The following TMEM63C variants were observed in gnomAD, a reference collection of about 807,000 sequenced individuals.
TMEM63C encodes osmosensitive cation channel TMEM63C.
In TMEM63C, 32 loss-of-function variants were observed where a neutral mutation model predicts 99.2. The ratio of observed to expected loss-of-function variants is 0.32; its 90% confidence interval spans 0.24 to 0.43. The LOEUF is 0.43. TMEM63C is among the 20% of genes least tolerant of loss of function. TMEM63C has a pLI of 1.00. For missense variants in TMEM63C, 826 were observed against 1,053.0 expected, an observed-to-expected ratio of 0.78 and a Z score of 2.98; for synonymous variants, 376 against 397.9, an observed-to-expected ratio of 0.94 and a Z score of 0.66.
At chr14:77,248,580 A>C in intron 19 of TMEM63C, 71 bp downstream of exon 19, 1 of 1,541,714 alleles carries the variant, frequency 6.5e-7, no homozygotes, top group Non-Finnish European at 8.8e-7. Flanking sequence ...AGAGCCTGCT[A>C]GAAGCACCAA....
chr14:77,241,098 C>A (rs1889168278), intron 13 of TMEM63C, among the ~76,000 whole-genome samples: 1 of 151,946 alleles, frequency 6.6e-6, no homozygotes, highest in Admixed American at 6.6e-5. Context: ...TTACAGGTGC[C>A]TGCCACCATG....
At chr14:77,231,409 G>A (rs1217232472) in intron 6 of TMEM63C, among the ~76,000 whole-genome samples, 179 bp from the exon 7 acceptor site, 1 of 151,966 alleles carries the variant, frequency 6.6e-6, no homozygotes, top group African/African-American at 2.4e-5. Flanking sequence ...AAGGATAACC[G>A]AGGCTTTGAG....
rs544553727 is a variant in TMEM63C at position 77,228,284 on chromosome 14, G to A, written c.350+2823G>A. ...ATTCTAGTGCTCTCAGTGCCATCCA[G>A]TCCTGTCCAGCCCTCTGCTCTCTCC... On this transcript the variant is annotated intron_variant, in intron 6 of 23. Coordinates refer to ENST00000298351, the MANE Select transcript of TMEM63C (RefSeq NM_020431.4). Among the ~76,000 whole-genome samples the A allele has an allele frequency of 2.6e-5, 4 of 152,268 alleles. No individual in the cohort carries two copies. The South Asian group carries it at 8.3e-4, about 32-fold the overall frequency.
chr14:77,243,899 CAA>C (rs556486763), intron 15 of TMEM63C, among the ~76,000 whole-genome samples: 74 of 152,238 alleles, frequency 4.9e-4, no homozygotes, highest in African/African-American at 1.6e-3. Context: ...CACACACACA[CAA>C]GTCAAGCCAC....
Position 77,190,739 on chromosome 14 carries a change from A to G in TMEM63C, c.-77+8845A>G, listed in dbSNP as rs558493247. Among the ~76,000 whole-genome samples the G allele has an allele frequency of 2.0e-5, 3 of 152,334 alleles. No individual in the cohort carries two copies. The East Asian group carries it at 5.8e-4, about 29-fold the overall frequency. Reference sequence around the variant, plus strand: ...AAAATTCAACATGTCTCTGATTTTAACTCTTACTTCATAGGAATAGATGGA... The same window carrying G: ...AAAATTCAACATGTCTCTGATTTTAGCTCTTACTTCATAGGAATAGATGGA... On this transcript the variant is annotated intron_variant, in intron 1 of 23. Coordinates refer to ENST00000298351, the MANE Select transcript of TMEM63C (RefSeq NM_020431.4).
intron 15 of TMEM63C, among the ~76,000 whole-genome samples, chr14:77,243,704 TAGA>T (rs1251205521): frequency 6.6e-6 from 1 of 152,166 alleles, no homozygotes; most frequent in Non-Finnish European, 1.5e-5. Flanking sequence ...ACTAGGAGCC[TAGA>T]AGGTCTCTTC....
intron 1 of TMEM63C, among the ~76,000 whole-genome samples, chr14:77,202,649 AG>A (rs1888317448): frequency 1.3e-5 from 2 of 152,170 alleles, no homozygotes; most frequent in African/African-American, 4.8e-5. Flanking sequence ...CGTTGGATTC[AG>A]GGGCCACCCT....
chr14:77,183,924 G>A (rs573624550), intron 1 of TMEM63C, among the ~76,000 whole-genome samples: 1 of 152,278 alleles, frequency 6.6e-6, no homozygotes, highest in African/African-American at 2.4e-5. Flanking sequence ...AGCTAGCAGA[G>A]AAAGGGTCAG....
At chr14:77,203,426 T>C (rs1594852250) in intron 1 of TMEM63C, among the ~76,000 whole-genome samples, 1 of 145,898 alleles carries the variant, frequency 6.9e-6, no homozygotes, top group Admixed American at 7.0e-5. Flanking sequence ...GAGTGAAAGG[T>C]AAGTCTTCCT....
chr14:77,206,783 T>G (rs1420815952), intron 1 of TMEM63C, among the ~76,000 whole-genome samples: 3 of 152,216 alleles, frequency 2.0e-5, no homozygotes, highest in African/African-American at 7.2e-5. Context: ...ATGATCTTTT[T>G]CTAATTAGAA....
intron 1 of TMEM63C, among the ~76,000 whole-genome samples, chr14:77,186,926 G>A (rs984801448): frequency 5.3e-5 from 8 of 152,100 alleles, no homozygotes; most frequent in Non-Finnish European, 8.8e-5. Context: ...GTGCCCAGGC[G>A]TGTCAACTAG....
At chr14:77,225,349 C>CTG in intron 5 of TMEM63C, 75 bp from the exon 6 acceptor site, 1 of 1,477,898 alleles carries the variant, frequency 6.8e-7, no homozygotes, top group Non-Finnish European at 9.2e-7. Context: ...GATGACCTGG[C>CTG]CGCCTGGGTT....
At chr14:77,248,080 G>A (rs1318551125) in intron 18 of TMEM63C, among the ~76,000 whole-genome samples, 1 of 152,174 alleles carries the variant, frequency 6.6e-6, no homozygotes, top group East Asian at 1.9e-4. Context: ...GCCAATGCAT[G>A]TATCCCCTAA....
At chr14:77,190,984 A>C (rs1012653897) in intron 1 of TMEM63C, among the ~76,000 whole-genome samples, 1 of 152,234 alleles carries the variant, frequency 6.6e-6, no homozygotes. Context: ...CAAGATTGTC[A>C]ACTGAAAAAA....
intron 6 of TMEM63C, 111 bp from the exon 7 acceptor site, chr14:77,231,477 A>AG (rs1435081276): frequency 4.0e-5 from 51 of 1,277,760 alleles, no homozygotes; most frequent in Admixed American, 1.0e-4. Flanking sequence ...TAAAAAAAAA[A>AG]AAAAACTTGG....
chr14:77,246,873 T>G (rs2140129835), intron 18 of TMEM63C, among the ~76,000 whole-genome samples, 199 bp downstream of exon 18: 1 of 152,348 alleles, frequency 6.6e-6, no homozygotes, highest in Non-Finnish European at 1.5e-5. Context: ...GGACCCCTTC[T>G]CAGAATGATA....
chr14:77,205,485 T>G (rs8018250), intron 1 of TMEM63C, among the ~76,000 whole-genome samples: 44,447 of 152,116 alleles, frequency 0.29, 7,899 homozygotes, highest in East Asian at 0.67. Flanking sequence ...CAGGAAAGAA[T>G]AAGTGAGAAC....
At chr14:77,219,963 T>C in intron 4 of TMEM63C, 43 bp from the exon 5 acceptor site, 1 of 1,542,130 alleles carries the variant, frequency 6.5e-7, no homozygotes, top group African/African-American at 1.4e-5. Context: ...GCTGAGAACT[T>C]TTCTCTCCTT....
intron 13 of TMEM63C, among the ~76,000 whole-genome samples, 180 bp downstream of exon 13, chr14:77,240,788 G>A (rs1193579825): frequency 6.6e-6 from 1 of 152,138 alleles, no homozygotes; most frequent in African/African-American, 2.4e-5. Context: ...CCCAGCTGCT[G>A]GGGCCCAGCT....
Sources: gnomAD v4.1 joint callset for allele counts (sites outside exome capture counted in the v4.1 genomes callset) on GRCh38, gnomAD v4.1.1 for gene constraint, MANE v1.5 for transcripts, NCBI Gene and HGNC (gene_info 2026-07-23, HGNC 2026-07-21) for gene names.